The following POM121 variants were observed in gnomAD, a reference collection of about 807,000 sequenced individuals.
The protein encoded by POM121 is nuclear envelope pore membrane protein POM 121.
A neutral mutation model predicts 81.3 loss-of-function variants in POM121; 32 were observed. The observed-to-expected ratio is 0.39, with a 90% CI of 0.30 to 0.53. POM121 has a LOEUF of 0.53. Ranked by LOEUF, POM121 falls within the 20% of genes least tolerant of loss-of-function variation. The pLI is 0.66. For missense variants in POM121, 1,138 were observed against 1,614.6 expected, an observed-to-expected ratio of 0.70 and a Z score of 5.06; for synonymous variants, 514 against 694.2, an observed-to-expected ratio of 0.74 and a Z score of 4.08.
At chr7:72,938,211 A>T (rs1554499867) in intron 5 of POM121, among the ~76,000 whole-genome samples, 3 of 151,268 alleles carry the variant, frequency 2.0e-5, no homozygotes, top group South Asian at 4.2e-4. Flanking sequence ...TTCACAAACA[A>T]ATTTTTTTCA....
Position 72,942,809 on chromosome 7 carries a change from C to T in POM121, c.2816C>T (p.Thr939Met), listed in dbSNP as rs781919393. The T allele has an allele frequency of 5.1e-5, 75 of 1,461,516 alleles. No homozygotes were observed. Among genetic ancestry groups the T allele is most frequent in the South Asian group, 6.7e-5 (5 of 74,824 alleles). 90.5% of individuals were successfully genotyped at this position (1,461,516 alleles called of 1,614,324 possible). ...GCCACCAGCAGCCAGCCCACTCTGACGTTCAGTAACACGAGCACCCCCACG... is the reference window on the plus strand; with the variant it reads ...GCCACCAGCAGCCAGCCCACTCTGATGTTCAGTAACACGAGCACCCCCACG... ...APATSSQPTL[T>M]FSNTSTPTFN... is the part of the protein sequence containing the mutation. The change falls in exon 11 of 13, where the codon ACG (threonine) becomes ATG (methionine). Residue 939 changes from threonine to methionine, a missense_variant. Physicochemically the swap from Thr to Met is moderately conservative, Grantham distance 81 (BLOSUM62 -1). Around this residue, in one of 7 missense-constraint regions of POM121, gnomAD observed 25 missense variants for 229.8 expected, o/e 0.11. Coordinates refer to ENST00000434423, the MANE Select transcript of POM121 (RefSeq NM_001387691.1).
chr7:72,946,049 A>T, intron 12 of POM121, 88 bp from the exon 13 acceptor site: 1 of 1,539,934 alleles, frequency 6.5e-7, no homozygotes. Context: ...GTGTTTTATT[A>T]CTGGCCTGGC....
intron 1 of POM121, among the ~76,000 whole-genome samples, chr7:72,880,489 A>G (rs2129574176): frequency 6.6e-6 from 1 of 152,212 alleles, no homozygotes; most frequent in South Asian, 2.1e-4. Flanking sequence ...CTTCAGTTAG[A>G]TAATTTAGAA....
upstream of POM121, among the ~76,000 whole-genome samples, chr7:72,923,556 G>T (rs1795029891): frequency 6.6e-6 from 1 of 150,716 alleles, no homozygotes; most frequent in South Asian, 2.1e-4. Flanking sequence ...CCGAGTAGCT[G>T]GGACTACAGG....
chr7:72,933,034 A>C (rs1258485944), intron 5 of POM121, among the ~76,000 whole-genome samples: 13 of 151,318 alleles, frequency 8.6e-5, no homozygotes, highest in Non-Finnish European at 1.6e-4. Context: ...CCTGGGCGAC[A>C]GAGTGAGACT....
chr7:72,886,556 C>G (rs1338233082), intron 1 of POM121, among the ~76,000 whole-genome samples: 1 of 152,188 alleles, frequency 6.6e-6, no homozygotes. Flanking sequence ...TTGTGTAAAT[C>G]TAAATTTTTA....
chr7:72,937,930 AG>A (rs1796672267), intron 5 of POM121, among the ~76,000 whole-genome samples: 3 of 152,248 alleles, frequency 2.0e-5, no homozygotes, highest in Admixed American at 2.0e-4. Context: ...AAATGAAGTT[AG>A]TAAATTAAAA....
Position 72,925,728 on chromosome 7 carries a change from ACTC to A in POM121, c.611_613del (p.Pro204del), listed in dbSNP as rs1795372899. On this transcript the variant is annotated inframe_deletion, in exon 1 of 13. Coordinates refer to ENST00000434423, the MANE Select transcript of POM121 (RefSeq NM_001387691.1). ...TCACCACGTTTACCCCTCTCTGCCC[ACTC>A]CTCTTCTCCGACCCTCCAGGAGGCC... The A allele has an allele frequency of 3.6e-6, 4 of 1,118,112 alleles. No homozygotes were observed. The African/African-American group carries it at 5.9e-5, about 17-fold the overall frequency. The allele number at this position is 1,118,112 out of a possible 1,614,324, so 69.3% of individuals were successfully genotyped here.
intron 1 of POM121, among the ~76,000 whole-genome samples, chr7:72,882,927 C>T (rs559242938): frequency 2.6e-5 from 4 of 152,304 alleles, no homozygotes; most frequent in South Asian, 2.1e-4. Context: ...CTTTGACATC[C>T]GTTACTTCCA....
intron 3 of POM121, among the ~76,000 whole-genome samples, chr7:72,898,582 C>T (rs758333132): frequency 7.2e-5 from 11 of 152,050 alleles, no homozygotes; most frequent in Non-Finnish European, 1.2e-4. Context: ...GGATCACCTG[C>T]GGTCGGGAGT....
chr7:72,914,156 C>A (rs1794074280), intron 4 of POM121, among the ~76,000 whole-genome samples: 1 of 152,182 alleles, frequency 6.6e-6, no homozygotes. Flanking sequence ...CCCAAACCAG[C>A]CCAAATGGGG....
At position 72,925,553 on chromosome 7, in the gene POM121, C is replaced by G. The variant is rs2129577743; in HGVS notation, c.432C>G (p.Pro144=). The G allele has an allele frequency of 6.6e-7, 1 of 1,524,482 alleles. No homozygotes were observed. Among genetic ancestry groups the G allele is most frequent in the Non-Finnish European group, 8.8e-7 (1 of 1,141,030 alleles). 94.4% of individuals were successfully genotyped at this position (1,524,482 alleles called of 1,614,324 possible). Residue 144 remains proline (P), a synonymous_variant, in exon 1 of 13, where the codon CCC becomes CCG. Transcript: ENST00000434423. The part of the protein sequence containing the change: ...LLLMGSYLGK[P]GPPQPAAAPE... ...TCATGGGCAGTTACCTGGGCAAGCC[C>G]GGGCCGCCGCAGCCCGCCGCCGCTC...
chr7:72,929,938 A>C lies in POM121; in HGVS notation c.1104-2A>C. ...GCATCTAACTGTCTTCTCTTTTATT[A>C]GGCCTGGGTCTCTGAAGAGAGGCCT... On this transcript the variant is annotated splice_acceptor_variant, in intron 4 of 12. Transcript: ENST00000434423. LOFTEE classifies it high-confidence loss of function. 1.9e-6 allele frequency: 3 copies of C among 1,580,308 alleles called. No individual in the cohort carries two copies. The highest frequency in any genetic ancestry group is 2.6e-6 in the Non-Finnish European group (3 of 1,160,566).
chr7:72,887,741 T>G (rs1188961795), intron 1 of POM121, among the ~76,000 whole-genome samples: 1 of 152,140 alleles, frequency 6.6e-6, no homozygotes, highest in Non-Finnish European at 1.5e-5. Flanking sequence ...GCAGAAGAAT[T>G]GCTGGATCCC....
At chr7:72,906,379 G>A (rs1370611416) in intron 3 of POM121, among the ~76,000 whole-genome samples, 1 of 152,262 alleles carries the variant, frequency 6.6e-6, no homozygotes, top group Non-Finnish European at 1.5e-5. Context: ...TCAGCCAGCT[G>A]CTTCGGGAAC....
chr7:72,919,058 C>T (rs1432375658), intron 4 of POM121, among the ~76,000 whole-genome samples: 1 of 152,092 alleles, frequency 6.6e-6, no homozygotes, highest in Non-Finnish European at 1.5e-5. Flanking sequence ...CTCGGCCTCC[C>T]AAAGTGCTAG....
Position 72,947,433 on chromosome 7 carries a change from TC to T in POM121, c.*1201del. Reference sequence around the variant, plus strand: ...AAATTAATGAACCATATTTTTAAAATCCTATTTTTCCCAAACAGGGCCCTCT... The same window carrying T: ...AAATTAATGAACCATATTTTTAAAATCTATTTTTCCCAAACAGGGCCCTCT... On this transcript the variant is annotated 3_prime_UTR_variant, in exon 13 of 13. Coordinates refer to ENST00000434423, the MANE Select transcript of POM121 (RefSeq NM_001387691.1). 1.1e-6 allele frequency: 1 copy of T among 876,846 alleles called. No homozygotes were observed. The highest frequency in any genetic ancestry group is 1.4e-6 in the Non-Finnish European group (1 of 731,450). 54.3% of individuals were successfully genotyped at this position (876,846 alleles called of 1,614,324 possible).
chr7:72,882,279 G>A (rs1270903479), intron 1 of POM121, among the ~76,000 whole-genome samples: 1 of 152,162 alleles, frequency 6.6e-6, no homozygotes, highest in Non-Finnish European at 1.5e-5. Context: ...TGAAGGGAAA[G>A]TGGGTGCATC....
chr7:72,921,985 G>A (rs1196852833), upstream of POM121, among the ~76,000 whole-genome samples: 1 of 151,986 alleles, frequency 6.6e-6, no homozygotes, highest in African/African-American at 2.4e-5. Context: ...TTGCCAAATT[G>A]CTTTCCAAAT....
Sources: gnomAD v4.1 joint callset for allele counts (sites outside exome capture counted in the v4.1 genomes callset) on GRCh38, gnomAD v4.1.1 for gene constraint, gnomAD v4.1.1 regional missense constraint, MANE v1.5 for transcripts, NCBI Gene and HGNC (gene_info 2026-07-23, HGNC 2026-07-21) for gene names.